The following RBM19 variants were observed in gnomAD, a reference collection of about 807,000 sequenced individuals.
The protein encoded by RBM19 is RNA binding motif protein 19.
In RBM19, 94 loss-of-function variants were observed where a neutral mutation model predicts 116.8. The observed-to-expected ratio is 0.80, with a 90% CI of 0.68 to 0.95. The LOEUF is 0.95. RBM19 is among the 40% of genes least tolerant of loss of function. The pLI, the probability that RBM19 is intolerant of heterozygous loss-of-function variation, is 0.00. For missense variants in RBM19, 1,161 were observed against 1,220.7 expected (o/e 0.95, Z 0.73); for synonymous variants, 475 against 494.1 (o/e 0.96, Z 0.51).
intron 21 of RBM19, among the ~76,000 whole-genome samples, chr12:113,867,095 C>T (rs1020638837): frequency 6.6e-6 from 1 of 152,210 alleles, no homozygotes; most frequent in Non-Finnish European, 1.5e-5. Flanking sequence ...CTGACCTCTC[C>T]TTTGGCCCCT....
At chr12:113,933,519 G>C (rs770363944) in intron 16 of RBM19, among the ~76,000 whole-genome samples, 3 of 148,256 alleles carry the variant, frequency 2.0e-5, no homozygotes, top group African/African-American at 7.8e-5. Context: ...ACAACTTCCC[G>C]GGCCAAAGGA....
chr12:113,934,636 C>G (rs898832932), intron 16 of RBM19, among the ~76,000 whole-genome samples: 1 of 152,032 alleles, frequency 6.6e-6, no homozygotes, highest in South Asian at 2.1e-4. Flanking sequence ...AGAGCAACAC[C>G]GGGGAAAGGA....
intron 16 of RBM19, among the ~76,000 whole-genome samples, chr12:113,929,155 G>A (rs981905642): frequency 3.9e-5 from 6 of 152,190 alleles, no homozygotes; most frequent in South Asian, 4.1e-4. Context: ...TCTTTGTGAT[G>A]TAAGGGGGCT....
At chr12:113,828,948 CT>C (rs1875122387) in intron 23 of RBM19, among the ~76,000 whole-genome samples, 1 of 152,098 alleles carries the variant, frequency 6.6e-6, no homozygotes, top group East Asian at 1.9e-4. Flanking sequence ...GGCCTGGCTC[CT>C]AAGACCAAGC....
At chr12:113,884,976 CG>C (rs1880424415) in intron 21 of RBM19, among the ~76,000 whole-genome samples, 1 of 152,062 alleles carries the variant, frequency 6.6e-6, no homozygotes, top group African/African-American at 2.4e-5. Context: ...AAGCCCTTCC[CG>C]GGGGAGAATA....
At chr12:113,920,561 A>C (rs1868438701) in intron 19 of RBM19, 50 bp downstream of exon 19, 5,536 of 1,482,470 alleles carry the variant, frequency 3.7e-3, no homozygotes, top group Non-Finnish European at 4.8e-3. Flanking sequence ...GGGACCTCCC[A>C]CTACCTGCCA....
chr12:113,861,271 C>T (rs1456270276), intron 21 of RBM19, among the ~76,000 whole-genome samples: 7 of 152,172 alleles, frequency 4.6e-5, no homozygotes, highest in South Asian at 2.1e-4. Context: ...AGGCCCCATA[C>T]GGGGTGGCTA....
rs143910879 is a variant in RBM19 at position 113,866,024 on chromosome 12, G to A, written c.2559-7128C>T. Among the ~76,000 whole-genome samples the A allele has an allele frequency of 9.6e-3, 1,456 of 152,282 alleles. 9 individuals carry two copies. The highest frequency in any genetic ancestry group is 0.017 in the South Asian group (81 of 4,822). ...CCTGCACTGAGATGTTTTCTCTCCC[G>A]CAGAAGGTTATGTTGATGAGTGTGT... is the stretch of plus-strand genomic sequence containing the variant. On this transcript the variant is annotated intron_variant, in intron 21 of 23. Coordinates refer to ENST00000261741, the MANE Select transcript of RBM19 (RefSeq NM_016196.4).
chr12:113,881,976 G>A (rs1293968259), intron 21 of RBM19, among the ~76,000 whole-genome samples: 2 of 152,382 alleles, frequency 1.3e-5, no homozygotes, highest in Middle Eastern at 3.4e-3. Flanking sequence ...TAATTGTGCT[G>A]CTGGCCACTC....
At chr12:113,875,692 G>C (rs572811032) in intron 21 of RBM19, among the ~76,000 whole-genome samples, 1 of 152,328 alleles carries the variant, frequency 6.6e-6, no homozygotes, top group Non-Finnish European at 1.5e-5. Flanking sequence ...TGAAGAGAAA[G>C]ACGAGAAAAA....
intron 21 of RBM19, among the ~76,000 whole-genome samples, chr12:113,905,132 C>T (rs958409986): frequency 2.0e-5 from 3 of 152,142 alleles, no homozygotes; most frequent in Non-Finnish European, 4.4e-5. Flanking sequence ...CAAGAAAGCC[C>T]AAAGACCTGA....
At chr12:113,945,700 G>A in intron 13 of RBM19, 128 bp downstream of exon 13, 1 of 726,030 alleles carries the variant, frequency 1.4e-6, no homozygotes, top group Admixed American at 2.9e-5. Context: ...AGAGGCCTCT[G>A]GGAAGGCCCA....
At position 113,898,356 on chromosome 12, in the gene RBM19, G is replaced by A. The variant is rs1216371892; in HGVS notation, c.2558+16613C>T. ...GTGCCTGTACTGGACTTCAGGGACAGGCAAGTGACATCCTACAGACACAGA... is the reference window on the plus strand; with the variant it reads ...GTGCCTGTACTGGACTTCAGGGACAAGCAAGTGACATCCTACAGACACAGA... On this transcript the variant is annotated intron_variant, in intron 21 of 23. Coordinates refer to ENST00000261741, the MANE Select transcript of RBM19 (RefSeq NM_016196.4). This position sits in a 1 kb window ranked among gnomAD's most constrained non-coding sequence, Gnocchi z 4.3. Among the ~76,000 whole-genome samples, 1 of 152,150 alleles carries A rather than the reference G, an allele frequency of 6.6e-6. No individual in the cohort carries two copies. Among genetic ancestry groups the A allele is most frequent in the Non-Finnish European group, 1.5e-5 (1 of 68,018 alleles).
chr12:113,856,910 C>T (rs990803506), intron 22 of RBM19, among the ~76,000 whole-genome samples: 1 of 152,206 alleles, frequency 6.6e-6, no homozygotes, highest in African/African-American at 2.4e-5. Context: ...CTGAGGCACA[C>T]AGAAAGGATG....
intron 8 of RBM19, among the ~76,000 whole-genome samples, chr12:113,951,558 CACAA>C (rs146399976): frequency 0.042 from 6,333 of 152,198 alleles, 325 homozygotes; most frequent in Admixed American, 0.15. Context: ...CACTCACACA[CACAA>C]ACAAACTGAG....
chr12:113,904,264 C>G (rs1188835961), intron 21 of RBM19, among the ~76,000 whole-genome samples: 1 of 152,122 alleles, frequency 6.6e-6, no homozygotes, highest in African/African-American at 2.4e-5. Flanking sequence ...GTGATGCTTG[C>G]TGAAGATAGG....
At chr12:113,866,437 G>GT (rs1878814387) in intron 21 of RBM19, among the ~76,000 whole-genome samples, 1 of 152,128 alleles carries the variant, frequency 6.6e-6, no homozygotes, top group African/African-American at 2.4e-5. Context: ...CACTTAAATG[G>GT]TATTTCTAAA....
In RBM19 at chr12:113,939,981, G is replaced by A. The variant is rs1338786978; in HGVS notation, c.1917C>T (p.Phe639=). Residue 639 remains phenylalanine, a synonymous_variant, in exon 15 of 24, where the codon TTC becomes TTT. Coordinates refer to ENST00000261741, the MANE Select transcript of RBM19 (RefSeq NM_016196.4). ...FLEPLEARKA[F]RHLAYSKFHH... is the part of the protein sequence containing the mutation. ...CTACCTTGGAATAGGCCAGATGCCT[G>A]AAGGCCTTGCGGGCCTCCAGGGGCT... The A allele has an allele frequency of 6.2e-7, 1 of 1,614,088 alleles. No individual in the cohort carries two copies. The highest frequency in any genetic ancestry group is 1.1e-5 in the South Asian group (1 of 91,068).
At chr12:113,821,420 C>T (rs1183569445), downstream of RBM19, among the ~76,000 whole-genome samples, 1 of 152,176 alleles carries the variant, frequency 6.6e-6, no homozygotes, top group Non-Finnish European at 1.5e-5. Context: ...TGCCGCCGAA[C>T]AGGACACGAT....
Sources: gnomAD v4.1 joint callset for allele counts (sites outside exome capture counted in the v4.1 genomes callset) on GRCh38, gnomAD v4.1.1 for gene constraint, Gnocchi (gnomAD v3.1) non-coding constraint, MANE v1.5 for transcripts, NCBI Gene and HGNC (gene_info 2026-07-23, HGNC 2026-07-21) for gene names.